The following DOCK3 variants were observed in gnomAD, a reference collection of about 807,000 sequenced individuals.
DOCK3 encodes dedicator of cytokinesis 3.
A neutral mutation model predicts 265.6 loss-of-function variants in DOCK3; 60 were observed. That is an observed-to-expected ratio of 0.23 (90% confidence interval 0.18 to 0.28). DOCK3 has a LOEUF of 0.28. Ranked by LOEUF, DOCK3 falls within the 10% of genes least tolerant of loss-of-function variation. The pLI is 1.00. For synonymous variants in DOCK3, 881 were observed against 938.0 expected (o/e 0.94, Z 1.11); for missense variants, 1,981 against 2,594.3 (o/e 0.76, Z 5.14).
At chr3:50,879,384 A>G (rs572550304) in intron 3 of DOCK3, among the ~76,000 whole-genome samples, 1 of 152,316 alleles carries the variant, frequency 6.6e-6, no homozygotes, top group East Asian at 1.9e-4. Context: ...CAGGAGACCC[A>G]TCTCAGGTGC....
intron 19 of DOCK3, among the ~76,000 whole-genome samples, chr3:51,233,343 TATCTATCTATCTATC>T (rs1345104095): frequency 6.5e-5 from 3 of 46,084 alleles, no homozygotes; most frequent in African/African-American, 1.9e-4. Context: ...TCTATCTATC[TATCTATCTATCTATC>T]TATTTATTTA....
At chr3:51,192,267 T>A (rs2087990615) in intron 12 of DOCK3, among the ~76,000 whole-genome samples, 1 of 151,446 alleles carries the variant, frequency 6.6e-6, no homozygotes, top group Non-Finnish European at 1.5e-5. Context: ...TGGTATATGG[T>A]GAGAAATAGG....
intron 4 of DOCK3, among the ~76,000 whole-genome samples, chr3:50,916,868 A>G (rs2050157540): frequency 1.3e-5 from 2 of 150,264 alleles, no homozygotes; most frequent in South Asian, 4.2e-4. Flanking sequence ...AAAAAAAAGT[A>G]GTTGTCTTAT....
chr3:50,875,505 C>A (rs764182342), intron 3 of DOCK3, among the ~76,000 whole-genome samples: 2 of 152,040 alleles, frequency 1.3e-5, no homozygotes, highest in African/African-American at 2.4e-5. Context: ...GAGGTTTTAT[C>A]ATGAAGGAAT....
At chr3:51,229,216 C>T (rs1448278294) in intron 18 of DOCK3, among the ~76,000 whole-genome samples, 3 of 151,972 alleles carry the variant, frequency 2.0e-5, no homozygotes, top group Non-Finnish European at 4.4e-5. Context: ...TTTGGGAGGC[C>T]GAGGCGGACA....
chr3:51,248,338 G>A (rs1044715335), intron 22 of DOCK3, among the ~76,000 whole-genome samples: 24 of 152,344 alleles, frequency 1.6e-4, no homozygotes, highest in African/African-American at 5.5e-4. Flanking sequence ...AATTGCAGGC[G>A]CGCGCTGCCA....
intron 9 of DOCK3, among the ~76,000 whole-genome samples, chr3:51,115,647 A>G (rs1439948168): frequency 1.3e-5 from 2 of 152,148 alleles, no homozygotes; most frequent in East Asian, 3.8e-4. Flanking sequence ...CTTTAGCTTA[A>G]TTAGATCCCA....
intron 5 of DOCK3, among the ~76,000 whole-genome samples, chr3:51,040,708 T>C (rs1309533202): frequency 6.6e-6 from 1 of 152,256 alleles, no homozygotes; most frequent in African/African-American, 2.4e-5. Flanking sequence ...ACCCTGCCAC[T>C]ACTTTATCAA....
intron 12 of DOCK3, among the ~76,000 whole-genome samples, chr3:51,183,790 C>T (rs1259480937): frequency 6.6e-6 from 1 of 152,198 alleles, no homozygotes; most frequent in Non-Finnish European, 1.5e-5. Context: ...GAATGCCTCA[C>T]ACAGCAGTGG....
At chr3:50,812,412 G>A (rs2043813580) in intron 2 of DOCK3, among the ~76,000 whole-genome samples, 3 of 152,220 alleles carry the variant, frequency 2.0e-5, no homozygotes, top group African/African-American at 7.2e-5. Flanking sequence ...TTCAAGAGAA[G>A]CGTTTTGTGT....
intron 9 of DOCK3, among the ~76,000 whole-genome samples, chr3:51,104,862 C>T (rs1478728165): frequency 6.6e-6 from 1 of 152,128 alleles, no homozygotes; most frequent in Non-Finnish European, 1.5e-5. Context: ...AATCACAGCT[C>T]ATTGCAGCGT....
intron 2 of DOCK3, among the ~76,000 whole-genome samples, chr3:50,822,962 G>C (rs1202617031): frequency 6.6e-6 from 1 of 152,128 alleles, no homozygotes; most frequent in African/African-American, 2.4e-5. Context: ...CTTCATTTCT[G>C]TTAGCTCTGG....
chr3:51,076,097 CTG>C (rs982422571), intron 7 of DOCK3, among the ~76,000 whole-genome samples: 1 of 152,098 alleles, frequency 6.6e-6, no homozygotes, highest in African/African-American at 2.4e-5. Flanking sequence ...GTTTAATAAA[CTG>C]TAATATTTTT....
At chr3:50,922,638 A>G (rs2050550408) in intron 4 of DOCK3, among the ~76,000 whole-genome samples, 3 of 152,148 alleles carry the variant, frequency 2.0e-5, no homozygotes, top group Admixed American at 2.0e-4. Flanking sequence ...GGAGCTGTAG[A>G]CTGGAGCTGT....
chr3:51,116,753 GCTCT>G (rs773051446), intron 9 of DOCK3, among the ~76,000 whole-genome samples: 138 of 152,154 alleles, frequency 9.1e-4, no homozygotes, highest in Non-Finnish European at 1.3e-3. Context: ...TCGTGATTTG[GCTCT>G]CTATTTGTTT....
At chr3:50,946,548 C>G (rs567542097) in intron 5 of DOCK3, among the ~76,000 whole-genome samples, 1 of 152,204 alleles carries the variant, frequency 6.6e-6, no homozygotes, top group African/African-American at 2.4e-5. Flanking sequence ...GAATCTTCTT[C>G]CTTGTTAAAA....
At chr3:50,881,005 A>T (rs143808545) in intron 3 of DOCK3, among the ~76,000 whole-genome samples, 1 of 152,232 alleles carries the variant, frequency 6.6e-6, no homozygotes, top group Non-Finnish European at 1.5e-5. Flanking sequence ...TCCATCACAT[A>T]AACAGAACCA....
intron 2 of DOCK3, among the ~76,000 whole-genome samples, chr3:50,785,564 G>A (rs1321177266): frequency 6.6e-6 from 1 of 152,166 alleles, no homozygotes; most frequent in Non-Finnish European, 1.5e-5. Context: ...CATCTATTGA[G>A]ATGATCATGT....
intron 4 of DOCK3, among the ~76,000 whole-genome samples, chr3:50,925,749 G>C (rs1209687697): frequency 1.3e-5 from 2 of 151,820 alleles, no homozygotes; most frequent in Non-Finnish European, 2.9e-5. Flanking sequence ...GATTGGTTGG[G>C]TGAGTGATGG....
Sources: gnomAD v4.1 joint callset for allele counts (sites outside exome capture counted in the v4.1 genomes callset) on GRCh38, gnomAD v4.1.1 for gene constraint, MANE v1.5 for transcripts, NCBI Gene and HGNC (gene_info 2026-07-23, HGNC 2026-07-21) for gene names.